Variants in ZNF385D observed in about 807,000 individuals in gnomAD.
ZNF385D encodes the protein zinc finger protein 385D.
A neutral mutation model predicts 35.8 loss-of-function variants in ZNF385D; 15 were observed. The ratio of observed to expected loss-of-function variants is 0.42; its 90% CI spans 0.28 to 0.64. ZNF385D has a LOEUF of 0.64. ZNF385D is among the 30% of genes least tolerant of loss of function. The pLI, the probability that ZNF385D is intolerant of heterozygous loss-of-function variation, is 0.23. For synonymous variants in ZNF385D, 212 were observed against 186.8 expected (o/e 1.13, Z -1.10); for missense variants, 474 against 494.6 (o/e 0.96, Z 0.39).
At chr3:22,015,256 C>T (rs566833320) in intron 3 of ZNF385D, among the ~76,000 whole-genome samples, 1 of 152,226 alleles carries the variant, frequency 6.6e-6, no homozygotes, top group African/African-American at 2.4e-5. Context: ...TTTATAATGC[C>T]TTAATTAGCA....
chr3:21,788,113 G>A (rs1311065682), intron 3 of ZNF385D, among the ~76,000 whole-genome samples: 4 of 151,894 alleles, frequency 2.6e-5, no homozygotes, highest in Non-Finnish European at 4.4e-5. Context: ...ATTATGATAG[G>A]AATAATTACA....
rs138565337 is a variant in ZNF385D at position 22,143,933 on chromosome 3, A to G, written c.325+24884T>C. Among the ~76,000 whole-genome samples, 659 of 152,308 alleles carry G rather than the reference A, an allele frequency of 4.3e-3. 14 individuals carry two copies. Among genetic ancestry groups the G allele is most frequent in the African/African-American group, 0.015 (613 of 41,568 alleles). ...TTAATATTAACAGCTTTCCAGAAGA[A>G]TTTTTAAAGGCTTAAAAATGTATAA... On this transcript the variant is annotated intron_variant, in intron 3 of 5. Transcript: ENST00000494108.
At chr3:21,486,732 C>T (rs940430336) in intron 4 of ZNF385D, among the ~76,000 whole-genome samples, 12 of 152,030 alleles carry the variant, frequency 7.9e-5, no homozygotes, top group Non-Finnish European at 7.4e-5. Flanking sequence ...GGAAGTTGCT[C>T]CAAAATATTC....
At chr3:21,776,946 C>A (rs9869230) in intron 3 of ZNF385D, among the ~76,000 whole-genome samples, 1 of 151,898 alleles carries the variant, frequency 6.6e-6, no homozygotes, top group Non-Finnish European at 1.5e-5. Flanking sequence ...AGCTGCTGAA[C>A]GGTGCTAAAG....
chr3:21,645,801 C>T (rs971775554), intron 2 of ZNF385D, among the ~76,000 whole-genome samples: 9 of 152,144 alleles, frequency 5.9e-5, no homozygotes, highest in Non-Finnish European at 1.2e-4. Context: ...TTTTTTCTCC[C>T]TCATTACTAA....
Position 21,441,944 on chromosome 3 carries a change from C to T in ZNF385D, c.440-4741G>A, listed in dbSNP as rs4081963. ...CATTTCTGTGCCATTTTTCTGCCAG[C>T]GCCCTGTAGCAAATATTCATTACTG... is the stretch of plus-strand genomic sequence containing the variant. On this transcript the variant is annotated intron_variant, in intron 4 of 7. Coordinates refer to ENST00000281523, the MANE Select transcript of ZNF385D (RefSeq NM_024697.3). Among the ~76,000 whole-genome samples, 67 of 152,204 alleles carry T rather than the reference C, an allele frequency of 4.4e-4. 1 individual carries two copies. The East Asian group carries it at 0.01, about 23-fold the overall frequency.
chr3:21,625,163 A>G (rs1166011280), intron 2 of ZNF385D, among the ~76,000 whole-genome samples: 1 of 152,208 alleles, frequency 6.6e-6, no homozygotes, highest in East Asian at 1.9e-4. Context: ...TACTAAGGAT[A>G]TCACCTAATT....
In ZNF385D at chr3:22,016,901, A is replaced by T. The variant is rs148134145; in HGVS notation, c.325+151916T>A. On this transcript the variant is annotated intron_variant, in intron 3 of 5. Transcript: ENST00000494108. ...TAAAAGTTTATTGAATTTATCTATCAATCTATCTATCTATCCTGTCCATCC... is the reference window on the plus strand; with the variant it reads ...TAAAAGTTTATTGAATTTATCTATCTATCTATCTATCTATCCTGTCCATCC... Among the ~76,000 whole-genome samples the T allele has an allele frequency of 5.5e-3, 837 of 151,686 alleles. 7 individuals carry two copies. The highest frequency in any genetic ancestry group is 0.019 in the African/African-American group (776 of 41,316).
chr3:21,566,175 C>T (rs1367248816), intron 2 of ZNF385D, among the ~76,000 whole-genome samples: 2 of 152,196 alleles, frequency 1.3e-5, no homozygotes, highest in Non-Finnish European at 2.9e-5. Context: ...AGGTGATTTA[C>T]ATGGTTACAG....
At chr3:21,611,252 C>G (rs958255142) in intron 2 of ZNF385D, among the ~76,000 whole-genome samples, 1 of 152,188 alleles carries the variant, frequency 6.6e-6, no homozygotes, top group Non-Finnish European at 1.5e-5. Flanking sequence ...GGGAGCCACC[C>G]TACCATCTGT....
chr3:21,560,473 G>A (rs909152249), intron 3 of ZNF385D, among the ~76,000 whole-genome samples: 2 of 152,236 alleles, frequency 1.3e-5, no homozygotes, highest in Non-Finnish European at 2.9e-5. Context: ...ACCAGCAGAG[G>A]CTGCAGAACA....
intron 2 of ZNF385D, among the ~76,000 whole-genome samples, chr3:22,341,714 G>A (rs112647518): frequency 6.6e-6 from 1 of 152,112 alleles, no homozygotes; most frequent in African/African-American, 2.4e-5. Context: ...GTAGGGATTA[G>A]GAGCATCAAA....
chr3:22,090,699 G>A (rs1701284167), intron 3 of ZNF385D, among the ~76,000 whole-genome samples: 1 of 152,094 alleles, frequency 6.6e-6, no homozygotes, highest in African/African-American at 2.4e-5. Context: ...GGTACCAATT[G>A]AAAAAGAATG....
chr3:22,101,468 G>A (rs1701941309), intron 3 of ZNF385D, among the ~76,000 whole-genome samples: 1 of 152,008 alleles, frequency 6.6e-6, no homozygotes, highest in African/African-American at 2.4e-5. Flanking sequence ...ACACGTATTT[G>A]TCATATTGCT....
intron 3 of ZNF385D, among the ~76,000 whole-genome samples, chr3:22,065,240 A>G (rs1475346317): frequency 6.6e-6 from 1 of 152,208 alleles, no homozygotes; most frequent in African/African-American, 2.4e-5. Flanking sequence ...AGATTTGCCA[A>G]AAGAAGCACT....
intron 2 of ZNF385D, among the ~76,000 whole-genome samples, chr3:22,222,625 T>A (rs558954815): frequency 6.6e-6 from 1 of 152,268 alleles, no homozygotes; most frequent in South Asian, 2.1e-4. Flanking sequence ...GGGAAGCTAC[T>A]TACTGCTCTG....
intron 2 of ZNF385D, among the ~76,000 whole-genome samples, chr3:22,203,197 C>A (rs1696920149): frequency 6.6e-6 from 1 of 152,036 alleles, no homozygotes; most frequent in South Asian, 2.1e-4. Flanking sequence ...TGGACACCAG[C>A]TTAGCCACAA....
intron 3 of ZNF385D, among the ~76,000 whole-genome samples, chr3:22,074,313 C>G (rs754439860): frequency 2.0e-5 from 3 of 151,930 alleles, no homozygotes; most frequent in Non-Finnish European, 4.4e-5. Flanking sequence ...TACATAGTTA[C>G]CATAAACAGC....
chr3:21,969,469 T>C (rs1489808163), intron 3 of ZNF385D, among the ~76,000 whole-genome samples: 1 of 152,210 alleles, frequency 6.6e-6, no homozygotes, highest in Non-Finnish European at 1.5e-5. Context: ...TCAGCCATGC[T>C]GAGCTGTGAG....
Sources: allele counts gnomAD v4.1 joint callset (sites outside exome capture counted in the v4.1 genomes callset), GRCh38; gene constraint gnomAD v4.1.1; transcripts MANE v1.5; gene names NCBI Gene and HGNC (gene_info 2026-07-23, HGNC 2026-07-21).